Variants in LMF1 observed in about 807,000 individuals in gnomAD.
The protein encoded by LMF1 is lipase maturation factor 1.
In LMF1, 68 loss-of-function variants were observed where a neutral mutation model predicts 60.6. That is an observed-to-expected ratio of 1.12 (90% CI 0.92 to 1.37). The LOEUF (loss-of-function observed/expected upper bound fraction) is 1.37, where lower values mean the gene tolerates loss of function less well. Among genes scored for constraint, LMF1 ranks in the 40% most tolerant of loss-of-function variants. The pLI is 0.00. For synonymous variants in LMF1, 418 were observed against 324.7 expected (o/e 1.29, Z -3.09); for missense variants, 948 against 767.2 (o/e 1.24, Z -2.78).
rs139556300 is a variant in LMF1 at position 907,345 on chromosome 16, G to A, written c.663+3586C>T. On this transcript the variant is annotated intron_variant, in intron 4 of 10. Transcript: ENST00000262301. ...GAACCCAGGAGGCAGAGCTTGCAGT[G>A]AGCCGAGATCGTGCCACTACACTCC... Among the ~76,000 whole-genome samples the A allele has an allele frequency of 6.4e-3, 969 of 152,076 alleles. 6 individuals are homozygous for A. Among genetic ancestry groups the A allele is most frequent in the African/African-American group, 0.022 (903 of 41,456 alleles).
intron 2 of LMF1, among the ~76,000 whole-genome samples, chr16:936,677 C>T (rs2071957160): frequency 6.6e-6 from 1 of 152,240 alleles, no homozygotes; most frequent in Non-Finnish European, 1.5e-5. Flanking sequence ...CCAAAATCTT[C>T]CAAGCAACCG....
chr16:955,039 A>ACC (rs2072647473), intron 1 of LMF1, among the ~76,000 whole-genome samples: 1 of 151,938 alleles, frequency 6.6e-6, no homozygotes, highest in African/African-American at 2.4e-5. Flanking sequence ...GCATACACAC[A>ACC]CACACATCTA....
upstream of LMF1, among the ~76,000 whole-genome samples, chr16:974,102 C>T (rs147897441): frequency 5.8e-3 from 884 of 152,254 alleles, 10 homozygotes; most frequent in African/African-American, 0.02. Context: ...TGTCACCTGT[C>T]GGAATACATC....
At chr16:937,167 C>G (rs1472719165) in intron 2 of LMF1, among the ~76,000 whole-genome samples, 1 of 152,132 alleles carries the variant, frequency 6.6e-6, no homozygotes, top group Admixed American at 6.5e-5. Flanking sequence ...TTCAAGGCTG[C>G]CTGATAAAAG....
intron 5 of LMF1, among the ~76,000 whole-genome samples, chr16:889,455 C>T (rs1053171347): frequency 4.6e-5 from 7 of 151,914 alleles, no homozygotes; most frequent in African/African-American, 7.3e-5. Context: ...TCTGCACACT[C>T]AGAGCTCCCA....
intron 4 of LMF1, among the ~76,000 whole-genome samples, chr16:894,414 C>T (rs112659990): frequency 0.021 from 2,907 of 138,190 alleles, 124 homozygotes; most frequent in African/African-American, 0.076. Flanking sequence ...CTGGACCGTC[C>T]GTCGACTCAT....
rs184372757 is a variant in LMF1 at position 896,530 on chromosome 16, C to T, written c.664-3458G>A. ...CACAAAAGCACCGGAGACTGTTTCC[C>T]GCTTGGGCTCCTGTTCTGCAAACAG... On this transcript the variant is annotated intron_variant, in intron 4 of 10. Transcript: ENST00000262301. Among the ~76,000 whole-genome samples the T allele has an allele frequency of 2.3e-4, 35 of 152,320 alleles. No homozygotes were observed. In the South Asian group the frequency reaches 6.4e-3, roughly 28 times the overall value.
At chr16:880,505 CT>C (rs1266637252) in intron 5 of LMF1, among the ~76,000 whole-genome samples, 13 of 152,196 alleles carry the variant, frequency 8.5e-5, no homozygotes. Flanking sequence ...GACCCCATTT[CT>C]ATAAAAATAA....
intron 1 of LMF1, chr16:980,466 CG>C (rs1405800904): frequency 6.6e-6 from 1 of 152,242 alleles, no homozygotes; most frequent in Non-Finnish European, 1.5e-5. Context: ...TTCTGCCGAC[CG>C]GGCCGGGGAG....
At chr16:953,974 TGTCCACACAGACACCCCAAAC>T (rs1567312089) in intron 2 of LMF1, among the ~76,000 whole-genome samples, 3 of 3,844 alleles carry the variant, frequency 7.8e-4, no homozygotes, top group African/African-American at 3.1e-3. Flanking sequence ...GCCTCCTACA[TGTCCACACAGACACCCCAAAC>T]CAGCCTCCTA....
chr16:943,010 C>T (rs1003038671), intron 2 of LMF1, among the ~76,000 whole-genome samples: 4 of 152,238 alleles, frequency 2.6e-5, no homozygotes, highest in African/African-American at 9.6e-5. Context: ...TAAGCCCAGG[C>T]AACAGATTTT....
At chr16:893,752 T>C (rs1243616712) in intron 4 of LMF1, among the ~76,000 whole-genome samples, 1 of 152,008 alleles carries the variant, frequency 6.6e-6, no homozygotes, top group Admixed American at 6.5e-5. Context: ...CCGTCTGCTT[T>C]CCCTGGGTCA....
chr16:964,089 C>T (rs1307541917), intron 1 of LMF1: 2 of 455,892 alleles, frequency 4.4e-6, no homozygotes, highest in African/African-American at 2.0e-5. Context: ...TACCGTGTCG[C>T]CCGAGCAGCC....
intron 2 of LMF1, among the ~76,000 whole-genome samples, chr16:953,912 CCCACCCCAAACCAGCTTCCT>C (rs2072576148): frequency 9.9e-6 from 1 of 101,360 alleles, no homozygotes; most frequent in African/African-American, 3.6e-5. Flanking sequence ...CACACAGACA[CCCACCCCAAACCAGCTTCCT>C]ACACGTCCAC....
At chr16:919,598 G>GTGT (rs2071377555) in intron 3 of LMF1, among the ~76,000 whole-genome samples, 1 of 152,228 alleles carries the variant, frequency 6.6e-6, no homozygotes, top group Non-Finnish European at 1.5e-5. Flanking sequence ...GGCAGGGAGG[G>GTGT]CGTCTGGACC....
intron 5 of LMF1, among the ~76,000 whole-genome samples, chr16:890,001 A>G (rs939952106): frequency 3.3e-5 from 5 of 152,004 alleles, no homozygotes; most frequent in Admixed American, 1.3e-4. Flanking sequence ...GTCCCCATGT[A>G]GCTGTCCCTA....
At chr16:971,050 C>A (rs1221882115), upstream of LMF1, 2 of 1,230,048 alleles carry the variant, frequency 1.6e-6, no homozygotes, top group Non-Finnish European at 2.1e-6. Context: ...GGAGGCCCCG[C>A]CTCTCCCTGG....
At chr16:917,542 C>T (rs554932612) in intron 3 of LMF1, among the ~76,000 whole-genome samples, 6 of 151,306 alleles carry the variant, frequency 4.0e-5, no homozygotes, top group Non-Finnish European at 8.9e-5. Context: ...GGCGCAGGCC[C>T]ACGTGAAGAA....
chr16:966,728 A>T (rs1055299478), intron 1 of LMF1, among the ~76,000 whole-genome samples: 1 of 152,126 alleles, frequency 6.6e-6, no homozygotes, highest in Non-Finnish European at 1.5e-5. Flanking sequence ...CCCAGCGGTC[A>T]CTCTCACCTC....
Sources: allele counts gnomAD v4.1 joint callset (sites outside exome capture counted in the v4.1 genomes callset), GRCh38; gene constraint gnomAD v4.1.1; transcripts MANE v1.5; gene names NCBI Gene and HGNC (gene_info 2026-07-23, HGNC 2026-07-21).